Variants in CHRNA5 observed in about 807,000 individuals in gnomAD.
CHRNA5 encodes cholinergic receptor nicotinic alpha 5 subunit.
Under a neutral mutation model 41.2 loss-of-function variants are expected in CHRNA5, and 28 were observed. That is an observed-to-expected ratio of 0.68 (90% CI 0.50 to 0.93). The LOEUF is 0.93. CHRNA5 is among the 40% of genes least tolerant of loss of function. The pLI, the probability that CHRNA5 is intolerant of heterozygous loss-of-function variation, is 0.00. For missense variants in CHRNA5, 481 were observed against 581.9 expected (o/e 0.83, Z 1.78); for synonymous variants, 188 against 205.8 (o/e 0.91, Z 0.74).
At chr15:78,574,622 C>T (rs16969949) in intron 1 of CHRNA5, among the ~76,000 whole-genome samples, 5,999 of 152,066 alleles carry the variant, frequency 0.039, 359 homozygotes, top group African/African-American at 0.12. Context: ...ATCAAAAAGT[C>T]GTTGCCATAC....
rs373337005 is a variant in CHRNA5 at position 78,571,792 on chromosome 15, A to T, written c.106+5967A>T. On this transcript the variant is annotated intron_variant, in intron 1 of 5. Transcript: ENST00000299565. Reference sequence around the variant, plus strand: ...AAAATCAATATAAAATATAATGAAAATCCTGGAGCGAAAAAAATCCCTCTA... The same window carrying T: ...AAAATCAATATAAAATATAATGAAATTCCTGGAGCGAAAAAAATCCCTCTA... Among the ~76,000 whole-genome samples the T allele has an allele frequency of 7.2e-5, 11 of 152,198 alleles. No individual in the cohort carries two copies. In the East Asian group the frequency reaches 1.9e-3, roughly 27 times the overall value.
At chr15:78,568,886 G>A (rs1202410049) in intron 1 of CHRNA5, among the ~76,000 whole-genome samples, 1 of 152,074 alleles carries the variant, frequency 6.6e-6, no homozygotes. Context: ...TATATGTAGT[G>A]GCTGAAAATG....
At chr15:78,570,435 T>TTTTTTTTTTTTTTG (rs2052792514) in intron 1 of CHRNA5, among the ~76,000 whole-genome samples, 1 of 138,358 alleles carries the variant, frequency 7.2e-6, no homozygotes, top group South Asian at 2.5e-4. Flanking sequence ...TTTTTTTTTT[T>TTTTTTTTTTTTTTG]TTTTTTTTTT....
At chr15:78,579,650 C>T (rs1240543064) in intron 1 of CHRNA5, among the ~76,000 whole-genome samples, 3 of 152,164 alleles carry the variant, frequency 2.0e-5, no homozygotes, top group Admixed American at 6.5e-5. Flanking sequence ...CCTGTCTTTG[C>T]ACTCTGTCTT....
At chr15:78,591,445 T>C (rs2053013773) in intron 5 of CHRNA5, among the ~76,000 whole-genome samples, 1 of 152,106 alleles carries the variant, frequency 6.6e-6, no homozygotes, top group African/African-American at 2.4e-5. Context: ...AATTCAGTCT[T>C]GTCACTGTTA....
chr15:78,581,028 G>T, intron 2 of CHRNA5, 66 bp downstream of exon 2: 1 of 1,522,402 alleles, frequency 6.6e-7, no homozygotes, highest in South Asian at 1.2e-5. Flanking sequence ...TGTGTGCCCA[G>T]GCACTGTGCT....
intron 1 of CHRNA5, among the ~76,000 whole-genome samples, chr15:78,576,065 C>T (rs1339307764): frequency 6.6e-6 from 1 of 152,088 alleles, no homozygotes; most frequent in East Asian, 1.9e-4. Context: ...ACATGATTTG[C>T]AAATATTTTC....
chr15:78,580,778 G>A (rs1306701350), intron 1 of CHRNA5, 33 bp from the exon 2 acceptor site: 6 of 1,570,210 alleles, frequency 3.8e-6, no homozygotes, highest in Non-Finnish European at 5.2e-6. Flanking sequence ...GGAGAGAAGC[G>A]AGTACATTAA....
chr15:78,593,424 G>GACTGAAGTAATA, exon 6 of CHRNA5: 1 of 547,852 alleles, frequency 1.8e-6, no homozygotes, highest in South Asian at 3.9e-5. Context: ...TTGGCTGTAT[G>GACTGAAGTAATA]ACTGAAGTAA....
intron 2 of CHRNA5, among the ~76,000 whole-genome samples, chr15:78,584,321 A>C (rs1415652991): frequency 6.6e-6 from 1 of 152,148 alleles, no homozygotes; most frequent in Non-Finnish European, 1.5e-5. Flanking sequence ...TTTAAAGATA[A>C]AATCTTTTTA....
rs764342908 is a variant in CHRNA5, at chr15:78,565,927, G to A, written c.106+102G>A. On this transcript the variant is annotated intron_variant, in intron 1 of 5. Transcript: ENST00000299565. ...GACGGCCGCCGGAAAACCTGGTTGC[G>A]AGGGGAGGTGGGTTTTTTTCTCCTG... The A allele has an allele frequency of 8.8e-6, 5 of 566,932 alleles. No individual in the cohort carries two copies. The African/African-American group carries it at 1.0e-4, about 11-fold the overall frequency. The allele number at this position is 566,932 out of a possible 1,614,324, so 35.1% of individuals were successfully genotyped here.
intron 1 of CHRNA5, among the ~76,000 whole-genome samples, chr15:78,576,791 C>A (rs1163208709): frequency 2.1e-5 from 3 of 140,946 alleles, no homozygotes; most frequent in Admixed American, 1.4e-4. Flanking sequence ...AGGGCGAGAC[C>A]CAGTCTCAAA....
At chr15:78,573,126 A>G (rs1311876731) in intron 1 of CHRNA5, among the ~76,000 whole-genome samples, 2 of 152,180 alleles carry the variant, frequency 1.3e-5, no homozygotes, top group African/African-American at 4.8e-5. Context: ...ACATTTGGCA[A>G]TGTCTGGAGA....
At position 78,593,023 on chromosome 15, in the gene CHRNA5, G is replaced by C. The variant is rs2053035839; in HGVS notation, c.1246-69G>C. On this transcript the variant is annotated intron_variant, in intron 5 of 5. Coordinates refer to ENST00000299565, the Ensembl canonical transcript of CHRNA5. ...ATCGATTTGGCTTCTAACTCAGTGT[G>C]TTTGTTATATCTTAAAATATGTACA... 6 of 1,552,192 alleles carry C rather than the reference G, an allele frequency of 3.9e-6. No homozygotes were observed. In the South Asian group the frequency reaches 6.2e-5, roughly 16 times the overall value.
At chr15:78,589,682 T>C (rs1423430145) in intron 4 of CHRNA5, 123 bp from the exon 5 acceptor site, 4 of 742,366 alleles carry the variant, frequency 5.4e-6, no homozygotes, top group Non-Finnish European at 8.7e-6. Flanking sequence ...ATCTGAAGTA[T>C]AGTAATTTAA....
intron 1 of CHRNA5, 67 bp from the exon 2 acceptor site, chr15:78,580,744 G>A (rs1284592123): frequency 7.2e-7 from 1 of 1,392,858 alleles, no homozygotes; most frequent in African/African-American, 1.5e-5. Context: ...TTGAACTTTT[G>A]TTTGAAAGTA....
At chr15:78,583,292 C>T (rs1454261826) in intron 2 of CHRNA5, among the ~76,000 whole-genome samples, 1 of 152,070 alleles carries the variant, frequency 6.6e-6, no homozygotes, top group Non-Finnish European at 1.5e-5. Flanking sequence ...AAATGAAAGG[C>T]AAGTTAGAAG....
At chr15:78,593,003 T>C (rs1374202325) in intron 5 of CHRNA5, 89 bp from the exon 6 acceptor site, 1 of 1,493,676 alleles carries the variant, frequency 6.7e-7, no homozygotes, top group Admixed American at 2.1e-5. Flanking sequence ...CAGAAATCGA[T>C]TTGGCTTCTA....
At chr15:78,592,465 C>T (rs1467972651) in intron 5 of CHRNA5, among the ~76,000 whole-genome samples, 1 of 152,156 alleles carries the variant, frequency 6.6e-6, no homozygotes, top group Non-Finnish European at 1.5e-5. Flanking sequence ...AGGAAATGGC[C>T]TTGTAGAAAG....
Sources: gnomAD v4.1 joint callset for allele counts (sites outside exome capture counted in the v4.1 genomes callset) on GRCh38, gnomAD v4.1.1 for gene constraint, MANE v1.5 for transcripts, NCBI Gene and HGNC (gene_info 2026-07-23, HGNC 2026-07-21) for gene names.